The following TTC28 variants were observed in gnomAD, a reference collection of about 807,000 sequenced individuals.
TTC28 encodes tetratricopeptide repeat domain 28, also known as tetratricopeptide repeat protein 28.
In TTC28, 61 loss-of-function variants were observed where a neutral mutation model predicts 198.0. That is an observed-to-expected ratio of 0.31 (90% CI 0.25 to 0.38). The LOEUF is 0.38. Ranked by LOEUF, TTC28 falls within the 10% of genes least tolerant of loss-of-function variation. The pLI, the probability that TTC28 is intolerant of heterozygous loss-of-function variation, is 1.00. For missense variants in TTC28, 2,678 were observed against 3,164.0 expected (o/e 0.85, Z 3.69); for synonymous variants, 1,171 against 1,297.8 (o/e 0.90, Z 2.10).
chr22:28,008,608 A>G (rs1938016889), intron 14 of TTC28: 1 of 152,254 alleles, frequency 6.6e-6, no homozygotes. Context: ...CTATAACTAG[A>G]GCAAGTCTAA....
At chr22:28,159,324 A>G (rs1422035077) in intron 6 of TTC28, among the ~76,000 whole-genome samples, 1 of 152,132 alleles carries the variant, frequency 6.6e-6, no homozygotes, top group African/African-American at 2.4e-5. Flanking sequence ...TACAACCACT[A>G]TGGAGAAGGG....
intron 2 of TTC28, among the ~76,000 whole-genome samples, chr22:28,325,326 C>T (rs187043894): frequency 1.3e-4 from 20 of 152,106 alleles, no homozygotes; most frequent in Non-Finnish European, 1.5e-5. Context: ...GTGATAATCC[C>T]TTTATCATTT....
At chr22:28,557,203 G>A (rs1228635989) in intron 2 of TTC28, among the ~76,000 whole-genome samples, 4 of 152,118 alleles carry the variant, frequency 2.6e-5, no homozygotes, top group African/African-American at 9.7e-5. Context: ...ATAAATTCAA[G>A]TCTTTCAATA....
At chr22:28,001,353 C>A (rs754758201) in intron 15 of TTC28, 21 bp downstream of exon 15, 1 of 1,532,180 alleles carries the variant, frequency 6.5e-7, no homozygotes, top group Non-Finnish European at 8.8e-7. Flanking sequence ...CCCGGCCCCC[C>A]ACCATGTGTG....
Position 28,105,814 on chromosome 22 carries a change from T to C in TTC28, c.2784-12A>G, listed in dbSNP as rs908379631. On this transcript the variant is annotated splice_polypyrimidine_tract_variant and intron_variant, in intron 7 of 22. Transcript: ENST00000397906. Reference sequence around the variant, plus strand: ...AGCTCCCCATTGCCCTGTGGGGATGTAGACAGAAAAGCAATGATATTATTT... The same window carrying C: ...AGCTCCCCATTGCCCTGTGGGGATGCAGACAGAAAAGCAATGATATTATTT... 1.2e-5 allele frequency: 18 copies of C among 1,536,260 alleles called. No individual in the cohort carries two copies. The African/African-American group carries it at 1.4e-4, about 12-fold the overall frequency.
chr22:28,387,022 T>C (rs1297519525), intron 2 of TTC28, among the ~76,000 whole-genome samples: 1 of 144,924 alleles, frequency 6.9e-6, no homozygotes, highest in Non-Finnish European at 1.5e-5. Flanking sequence ...GGCCCCAGAG[T>C]GTGATGTTCC....
At chr22:28,376,053 C>T (rs1353773137) in intron 2 of TTC28, among the ~76,000 whole-genome samples, 2 of 152,214 alleles carry the variant, frequency 1.3e-5, no homozygotes, top group Non-Finnish European at 2.9e-5. Context: ...CTCCAGCTTG[C>T]AGACTGCCTG....
At chr22:28,039,287 T>A (rs544331761) in intron 12 of TTC28, among the ~76,000 whole-genome samples, 2 of 152,142 alleles carry the variant, frequency 1.3e-5, no homozygotes, top group South Asian at 4.2e-4. Flanking sequence ...CCAACAATGA[T>A]AGACTGGATT....
At chr22:28,602,942 C>T (rs941242574) in intron 2 of TTC28, among the ~76,000 whole-genome samples, 1 of 152,114 alleles carries the variant, frequency 6.6e-6, no homozygotes, top group African/African-American at 2.4e-5. Flanking sequence ...TGCAGTGGTA[C>T]GATCTCGACT....
chr22:28,133,386 C>T (rs755237273), intron 6 of TTC28, among the ~76,000 whole-genome samples: 31 of 152,082 alleles, frequency 2.0e-4, no homozygotes, highest in African/African-American at 6.8e-4. Flanking sequence ...TGCAGCCCAC[C>T]GGGCGTGAGC....
chr22:28,367,885 A>G (rs998904847), intron 2 of TTC28, among the ~76,000 whole-genome samples: 1 of 152,134 alleles, frequency 6.6e-6, no homozygotes, highest in Non-Finnish European at 1.5e-5. Flanking sequence ...AAACCTGAAC[A>G]GACCAATAAC....
intron 5 of TTC28, among the ~76,000 whole-genome samples, chr22:28,189,679 G>C (rs1924548328): frequency 6.6e-6 from 1 of 152,032 alleles, no homozygotes; most frequent in African/African-American, 2.4e-5. Context: ...TAACTGAAAG[G>C]TAAAAGACAA....
Position 28,294,479 on chromosome 22 carries a change from A to C in TTC28, c.933+1719T>G, listed in dbSNP as rs371005048. On this transcript the variant is annotated intron_variant, in intron 5 of 22. Transcript: ENST00000397906. ...TTTACCATTATGATTCAGATATCTT[A>C]AAAGTCTTTCTACCCTTTGTAGTAA... Among the ~76,000 whole-genome samples the C allele has an allele frequency of 9.9e-5, 15 of 150,810 alleles. No individual in the cohort carries two copies. In the East Asian group the frequency reaches 2.7e-3, roughly 27 times the overall value.
At chr22:28,156,141 C>T (rs1943744460) in intron 6 of TTC28, among the ~76,000 whole-genome samples, 1 of 152,142 alleles carries the variant, frequency 6.6e-6, no homozygotes, top group African/African-American at 2.4e-5. Context: ...GTGTCTATGT[C>T]CTAATCTCCA....
At chr22:28,386,020 T>C (rs1013152689) in intron 2 of TTC28, among the ~76,000 whole-genome samples, 1 of 151,906 alleles carries the variant, frequency 6.6e-6, no homozygotes, top group Non-Finnish European at 1.5e-5. Flanking sequence ...CTCACGCCTG[T>C]AATCCCAGCA....
intron 5 of TTC28, among the ~76,000 whole-genome samples, chr22:28,239,935 C>T (rs1333714719): frequency 6.6e-6 from 1 of 152,168 alleles, no homozygotes; most frequent in Non-Finnish European, 1.5e-5. Flanking sequence ...ACCAGGGTTT[C>T]TCAACAATGT....
chr22:28,245,750 C>A (rs756105074), intron 5 of TTC28, among the ~76,000 whole-genome samples: 1 of 152,098 alleles, frequency 6.6e-6, no homozygotes, highest in African/African-American at 2.4e-5. Flanking sequence ...AATGACTCAC[C>A]ACACTACAGA....
chr22:28,175,165 G>T (rs559126599), intron 5 of TTC28, among the ~76,000 whole-genome samples: 1 of 152,176 alleles, frequency 6.6e-6, no homozygotes, highest in East Asian at 1.9e-4. Flanking sequence ...GACACTGCTA[G>T]AAGAAAACAC....
At chr22:28,487,846 C>T (rs2048330707) in intron 2 of TTC28, among the ~76,000 whole-genome samples, 1 of 152,072 alleles carries the variant, frequency 6.6e-6, no homozygotes, top group Admixed American at 6.6e-5. Context: ...ACATACCTAC[C>T]TTTTATAAAG....
Sources: gnomAD v4.1 joint callset for allele counts (sites outside exome capture counted in the v4.1 genomes callset) on GRCh38, gnomAD v4.1.1 for gene constraint, MANE v1.5 for transcripts, NCBI Gene and HGNC (gene_info 2026-07-23, HGNC 2026-07-21) for gene names.